The following IL1RAPL1 variants were observed in gnomAD, a reference collection of about 807,000 sequenced individuals.
IL1RAPL1 encodes interleukin-1 receptor accessory protein-like 1.
In IL1RAPL1, 3 loss-of-function variants were observed where a neutral mutation model predicts 48.4. That is an observed-to-expected ratio of 0.06 (90% CI 0.03 to 0.16). The LOEUF is 0.16. IL1RAPL1 is among the 10% of genes least tolerant of loss of function. The pLI, the probability that IL1RAPL1 is intolerant of heterozygous loss-of-function variation, is 1.00. For synonymous variants in IL1RAPL1, 185 were observed against 187.7 expected, an observed-to-expected ratio of 0.99 and a Z score of 0.12; for missense variants, 349 against 530.6, an observed-to-expected ratio of 0.66 and a Z score of 3.36.
intron 5 of IL1RAPL1, among the ~76,000 whole-genome samples, chrX:29,409,088 C>T (rs770763801): frequency 9.0e-6 from 1 of 111,605 alleles, no homozygotes; most frequent in South Asian, 3.8e-4. Flanking sequence ...TTTATTTCTC[C>T]TTTAAAAAAA....
At chrX:29,802,733 C>A (rs1291166895) in intron 6 of IL1RAPL1, among the ~76,000 whole-genome samples, 1 of 82,553 alleles carries the variant, frequency 1.2e-5, no homozygotes, top group African/African-American at 4.3e-5. Flanking sequence ...GCTATGAGGT[C>A]TCTGAGGAAA....
intron 3 of IL1RAPL1, among the ~76,000 whole-genome samples, chrX:29,364,437 C>T (rs757725241): frequency 1.8e-3 from 193 of 108,945 alleles, no homozygotes; most frequent in Non-Finnish European, 2.5e-3. Flanking sequence ...GTGGTGGGCA[C>T]CTGTAATCCC....
At chrX:29,927,940 AG>A (rs1472882405) in intron 8 of IL1RAPL1, among the ~76,000 whole-genome samples, 2 of 101,524 alleles carry the variant, frequency 2.0e-5, no homozygotes, top group Non-Finnish European at 4.0e-5. Context: ...AAGGGAGGGA[AG>A]GAAGGAGAGG....
chrX:29,497,670 C>A (rs1935227979), intron 5 of IL1RAPL1, among the ~76,000 whole-genome samples: 1 of 110,940 alleles, frequency 9.0e-6, no homozygotes, highest in Non-Finnish European at 1.9e-5. Flanking sequence ...AAATGGATAA[C>A]TTTTTGACTA....
intron 6 of IL1RAPL1, among the ~76,000 whole-genome samples, chrX:29,678,484 A>G (rs1348826920): frequency 9.7e-6 from 1 of 103,186 alleles, no homozygotes; most frequent in Non-Finnish European, 2.0e-5. Context: ...CTTCCCGAGT[A>G]GCTGGGACTA....
intron 5 of IL1RAPL1, among the ~76,000 whole-genome samples, chrX:29,598,717 G>A (rs1923628939): frequency 9.0e-6 from 1 of 111,268 alleles, no homozygotes; most frequent in African/African-American, 3.3e-5. Flanking sequence ...CCAGTCTTAG[G>A]TGCATATATA....
At chrX:29,894,331 T>C (rs1393691836) in intron 6 of IL1RAPL1, among the ~76,000 whole-genome samples, 1 of 112,496 alleles carries the variant, frequency 8.9e-6, no homozygotes, top group Non-Finnish European at 1.9e-5. Flanking sequence ...GTGGTTTTAA[T>C]ACAGAAGAGA....
intron 3 of IL1RAPL1, among the ~76,000 whole-genome samples, chrX:29,318,432 G>C (rs1569284216): frequency 8.9e-6 from 1 of 112,362 alleles, no homozygotes; most frequent in Non-Finnish European, 1.9e-5. Flanking sequence ...CTTTATTTCT[G>C]TTAGTATAAA....
chrX:28,722,995 C>T (rs1441510754), intron 1 of IL1RAPL1, among the ~76,000 whole-genome samples: 1 of 111,470 alleles, frequency 9.0e-6, no homozygotes, highest in African/African-American at 3.3e-5. Flanking sequence ...TTCGGTTTGC[C>T]AGTATCTTAT....
intron 1 of IL1RAPL1, among the ~76,000 whole-genome samples, chrX:28,665,671 A>G (rs1034851147): frequency 3.7e-4 from 41 of 110,388 alleles, no homozygotes; most frequent in Non-Finnish European, 7.6e-5. Context: ...TTGTATTTTC[A>G]GTAGAGACAG....
At chrX:29,643,510 C>A (rs778558618) in intron 5 of IL1RAPL1, among the ~76,000 whole-genome samples, 56 of 111,943 alleles carry the variant, frequency 5.0e-4, no homozygotes, top group African/African-American at 1.8e-3. Context: ...AAATTTACAA[C>A]CTAACGTCGA....
At chrX:29,004,635 A>G (rs767350880) in intron 2 of IL1RAPL1, among the ~76,000 whole-genome samples, 1 of 112,236 alleles carries the variant, frequency 8.9e-6, no homozygotes, top group African/African-American at 3.2e-5. Flanking sequence ...TTTAGTTCAC[A>G]TATTTGGGAG....
At chrX:29,751,456 T>C (rs1273287587) in intron 6 of IL1RAPL1, among the ~76,000 whole-genome samples, 1 of 112,063 alleles carries the variant, frequency 8.9e-6, no homozygotes, top group African/African-American at 3.2e-5. Flanking sequence ...TTTAATGGCT[T>C]CTTGGCCTTT....
chrX:28,808,287 C>A (rs892412700), intron 2 of IL1RAPL1, among the ~76,000 whole-genome samples: 2 of 111,068 alleles, frequency 1.8e-5, no homozygotes, highest in Non-Finnish European at 3.8e-5. Flanking sequence ...TGTTTGAGAT[C>A]ATTTTAAATG....
chrX:29,266,862 C>T (rs1429686898), intron 2 of IL1RAPL1, among the ~76,000 whole-genome samples: 2 of 111,552 alleles, frequency 1.8e-5, no homozygotes, highest in Admixed American at 1.9e-4. Context: ...CTACCTTAAG[C>T]CTTTTGTTTA....
At chrX:29,013,223 T>C (rs1365449517) in intron 2 of IL1RAPL1, among the ~76,000 whole-genome samples, 1 of 108,703 alleles carries the variant, frequency 9.2e-6, no homozygotes, top group Non-Finnish European at 1.9e-5. Flanking sequence ...CAATAGATGC[T>C]AGCAAGGTTA....
chrX:29,342,168 G>GT (rs1211606508), intron 3 of IL1RAPL1, among the ~76,000 whole-genome samples: 8 of 106,686 alleles, frequency 7.5e-5, no homozygotes, highest in African/African-American at 2.7e-4. Flanking sequence ...GTTTTGTTTT[G>GT]TTTGTTTGTT....
intron 5 of IL1RAPL1, among the ~76,000 whole-genome samples, chrX:29,568,358 G>T (rs1684560369): frequency 9.3e-6 from 1 of 107,541 alleles, no homozygotes; most frequent in South Asian, 4.1e-4. Context: ...TTATGTACTA[G>T]ATAATTAATT....
At chrX:28,678,713 T>C (rs1009725383) in intron 1 of IL1RAPL1, among the ~76,000 whole-genome samples, 1 of 111,966 alleles carries the variant, frequency 8.9e-6, no homozygotes, top group Non-Finnish European at 1.9e-5. Context: ...TTAAATAATA[T>C]GCCAAAGGCT....
Sources: allele counts gnomAD v4.1 joint callset (sites outside exome capture counted in the v4.1 genomes callset), GRCh38; gene constraint gnomAD v4.1.1; transcripts MANE v1.5; gene names NCBI Gene and HGNC (gene_info 2026-07-23, HGNC 2026-07-21).